Variants in USP8 observed in about 807,000 individuals in gnomAD.
The protein encoded by USP8 is ubiquitin carboxyl-terminal hydrolase 8.
A neutral mutation model predicts 130.0 loss-of-function variants in USP8; 27 were observed. The ratio of observed to expected loss-of-function variants is 0.21; its 90% CI spans 0.15 to 0.29. The LOEUF (loss-of-function observed/expected upper bound fraction) is 0.29. Among genes scored for constraint, USP8 ranks in the 10% least tolerant of loss-of-function variants. USP8 has a pLI of 1.00. For missense variants in USP8, 1,029 were observed against 1,312.2 expected, an observed-to-expected ratio of 0.78 and a Z score of 3.33; for synonymous variants, 392 against 444.1, an observed-to-expected ratio of 0.88 and a Z score of 1.48.
intron 1 of USP8, among the ~76,000 whole-genome samples, chr15:50,435,352 A>T (rs979761985): frequency 1.3e-5 from 2 of 152,206 alleles, no homozygotes; most frequent in African/African-American, 4.8e-5. Flanking sequence ...AACCAATACA[A>T]TGTAACAACT....
intron 18 of USP8, 44 bp from the exon 19 acceptor site, chr15:50,498,552 G>A: frequency 1.9e-6 from 3 of 1,548,344 alleles, no homozygotes; most frequent in East Asian, 2.3e-5. Context: ...GATTCATCCT[G>A]GTATCTTCCT....
intron 10 of USP8, among the ~76,000 whole-genome samples, chr15:50,478,333 CTTTA>C (rs2051642614): frequency 6.6e-6 from 1 of 152,130 alleles, no homozygotes; most frequent in Non-Finnish European, 1.5e-5. Flanking sequence ...CTTCATTTGG[CTTTA>C]TTTAAAGAAA....
chr15:50,495,777 C>A, intron 16 of USP8, 71 bp from the exon 17 acceptor site: 1 of 1,239,838 alleles, frequency 8.1e-7, no homozygotes, highest in Non-Finnish European at 1.1e-6. Context: ...TGTTTGTATT[C>A]ACTTTTATTC....
At chr15:50,494,849 T>C (rs1238795993) in intron 16 of USP8, among the ~76,000 whole-genome samples, 1 of 152,094 alleles carries the variant, frequency 6.6e-6, no homozygotes, top group East Asian at 1.9e-4. Flanking sequence ...ACCTCGTCTC[T>C]ACTAAAAATA....
rs758788593 is a variant in USP8 at position 50,459,109 on chromosome 15, T to C, written c.445T>C (p.Leu149=). Residue 149 remains leucine, a synonymous_variant, in exon 5 of 20, where the codon TTG becomes CTG. Coordinates refer to ENST00000307179, the MANE Select transcript of USP8 (RefSeq NM_005154.5). ...AACAGGAAGAGAGGATGGTGGCACATTGGCTAAAGGCTCTTTGGAGAATGT... is the reference window on the plus strand; with the variant it reads ...AACAGGAAGAGAGGATGGTGGCACACTGGCTAAAGGCTCTTTGGAGAATGT... ...QETGREDGGT[L]AKGSLENVLD... is the part of the protein sequence containing the mutation. The C allele has an allele frequency of 1.2e-6, 2 of 1,614,106 alleles. No homozygotes were observed. The highest frequency in any genetic ancestry group is 2.2e-5 in the East Asian group (1 of 44,872).
chr15:50,444,103 T>G (rs555185803), intron 3 of USP8, among the ~76,000 whole-genome samples: 9 of 148,940 alleles, frequency 6.0e-5, no homozygotes, highest in Non-Finnish European at 1.3e-4. Flanking sequence ...GTAGGTTTTT[T>G]TTTTTTTTTT....
chr15:50,468,009 A>G (rs2051247702), intron 7 of USP8, among the ~76,000 whole-genome samples: 1 of 149,846 alleles, frequency 6.7e-6, no homozygotes, highest in African/African-American at 2.5e-5. Flanking sequence ...ATCTCGGCCA[A>G]CTGCAGCCTC....
At chr15:50,465,511 GT>G (rs1380792387) in intron 7 of USP8, among the ~76,000 whole-genome samples, 1 of 152,090 alleles carries the variant, frequency 6.6e-6, no homozygotes, top group Admixed American at 6.6e-5. Context: ...GAAGGTTGAA[GT>G]TACGGATTTG....
chr15:50,424,809 C>T (rs1237495976), intron 1 of USP8, among the ~76,000 whole-genome samples: 1 of 141,582 alleles, frequency 7.1e-6, no homozygotes, highest in Non-Finnish European at 1.5e-5. Flanking sequence ...ACTTTGACCT[C>T]TTTCCTCTTG....
At chr15:50,459,647 G>A (rs1450322899) in intron 5 of USP8, among the ~76,000 whole-genome samples, 1 of 152,104 alleles carries the variant, frequency 6.6e-6, no homozygotes, top group Non-Finnish European at 1.5e-5. Context: ...ATTTTTCTGT[G>A]AATTTCTATG....
At chr15:50,470,274 T>A (rs1263725712) in intron 7 of USP8, among the ~76,000 whole-genome samples, 2 of 152,202 alleles carry the variant, frequency 1.3e-5, no homozygotes, top group Non-Finnish European at 2.9e-5. Context: ...CAATAAAAGC[T>A]TGAAATGTTT....
At chr15:50,438,341 T>A (rs1270400115) in intron 1 of USP8, among the ~76,000 whole-genome samples, 1 of 152,202 alleles carries the variant, frequency 6.6e-6, no homozygotes, top group Non-Finnish European at 1.5e-5. Flanking sequence ...CCCAGCACTT[T>A]GGGAGGCCAA....
chr15:50,483,511 C>T lies in USP8; in HGVS notation c.1804-764C>T, dbSNP rs958261532. Among the ~76,000 whole-genome samples, 6 of 152,148 alleles carry T rather than the reference C, an allele frequency of 3.9e-5. No homozygotes were observed. In the East Asian group the frequency reaches 5.8e-4, roughly 15 times the overall value. On this transcript the variant is annotated intron_variant, in intron 11 of 19. Transcript: ENST00000307179. ...AAAATGAGTTTTTAAAAAGAATCTA[C>T]GGGCCGGGCGCGTTGGCCCACGCCT... is the stretch of plus-strand genomic sequence containing the variant.
intron 11 of USP8, among the ~76,000 whole-genome samples, chr15:50,483,666 C>T (rs556555157): frequency 1.7e-4 from 26 of 152,000 alleles, no homozygotes; most frequent in East Asian, 5.8e-4. Flanking sequence ...TGGTGGCGGG[C>T]GCCTGTAGTC....
chr15:50,493,450 T>G, intron 15 of USP8: 1 of 519,044 alleles, frequency 1.9e-6, no homozygotes, highest in South Asian at 1.4e-5. Context: ...GGAAAATATC[T>G]TTATCCTTAG....
In USP8 at chr15:50,442,693, C is replaced by T. The variant is rs550662587; in HGVS notation, c.249+1200C>T. On this transcript the variant is annotated intron_variant, in intron 3 of 19. Transcript: ENST00000307179. ...CTGGGAGGCAGAGGTTGCAGTGAGC[C>T]GAGATTGCACCACTGCACTCCAGCT... Among the ~76,000 whole-genome samples the T allele has an allele frequency of 1.6e-4, 25 of 152,176 alleles. 1 individual carries two copies. The highest frequency in any genetic ancestry group is 4.6e-4 in the African/African-American group (19 of 41,518).
chr15:50,453,135 C>A (rs140424620), intron 4 of USP8, among the ~76,000 whole-genome samples: 277 of 152,346 alleles, frequency 1.8e-3, no homozygotes, highest in Admixed American at 5.0e-3. Context: ...TACCAGTAAG[C>A]AAGGTCCTGC....
At chr15:50,464,415 A>C (rs1341187105) in intron 6 of USP8, among the ~76,000 whole-genome samples, 1 of 152,214 alleles carries the variant, frequency 6.6e-6, no homozygotes, top group Non-Finnish European at 1.5e-5. Context: ...TTTTGAAAAC[A>C]TACTATTTTC....
rs1361831817 is a variant in USP8 at position 50,503,920 on chromosome 15, T to C, written c.*4832T>C. ...CCCCCAAGGACTTTAGATAATAGAA[T>C]TATTAAGCAGAGGCTACAAATAAAG... is the stretch of plus-strand genomic sequence containing the variant. On this transcript the variant is annotated 3_prime_UTR_variant, in exon 20 of 20. Transcript: ENST00000307179. 2.0e-5 allele frequency: 3 copies of C among 152,112 alleles called. No individual in the cohort carries two copies. The highest frequency in any genetic ancestry group is 4.4e-5 in the Non-Finnish European group (3 of 68,020). 9.4% of individuals were successfully genotyped at this position (152,112 alleles called of 1,614,324 possible).
Sources: allele counts gnomAD v4.1 joint callset (sites outside exome capture counted in the v4.1 genomes callset), GRCh38; gene constraint gnomAD v4.1.1; transcripts MANE v1.5; gene names NCBI Gene and HGNC (gene_info 2026-07-23, HGNC 2026-07-21).